Variants in FHIT observed in about 807,000 individuals in gnomAD.
FHIT encodes bis(5'-adenosyl)-triphosphatase.
A neutral mutation model predicts 17.9 loss-of-function variants in FHIT; 19 were observed. The ratio of observed to expected loss-of-function variants is 1.06; its 90% CI spans 0.74 to 1.56. FHIT has a LOEUF of 1.56. FHIT is among the 40% of genes most tolerant of loss of function. The pLI, the probability that FHIT is intolerant of heterozygous loss-of-function variation, is 0.00. For missense variants in FHIT, 248 were observed against 189.2 expected, an observed-to-expected ratio of 1.31 and a Z score of -1.82; for synonymous variants, 81 against 69.7, an observed-to-expected ratio of 1.16 and a Z score of -0.81.
At chr3:60,591,807 G>A (rs1408234269) in intron 4 of FHIT, among the ~76,000 whole-genome samples, 1 of 152,028 alleles carries the variant, frequency 6.6e-6, no homozygotes, top group African/African-American at 2.4e-5. Flanking sequence ...CTCTAACTTA[G>A]GCTATTTGGA....
At chr3:61,059,602 A>T (rs756703344) in intron 2 of FHIT, among the ~76,000 whole-genome samples, 105 of 152,116 alleles carry the variant, frequency 6.9e-4, no homozygotes, top group Non-Finnish European at 1.4e-3. Context: ...TGGAGACCTT[A>T]AGTGTTTCAA....
rs182851484 is a variant in FHIT, at chr3:61,093,220, A to G, written c.-163-51121T>C. Reference sequence around the variant, plus strand: ...TCTGGCAAACAATGAGCACACAACGATAAACGTTTATAATTCTATGTATGG... The same window carrying G: ...TCTGGCAAACAATGAGCACACAACGGTAAACGTTTATAATTCTATGTATGG... On this transcript the variant is annotated intron_variant, in intron 2 of 9. Transcript: ENST00000492590. 5.1e-4 allele frequency among the ~76,000 whole-genome samples: 78 copies of G among 152,346 alleles called. 1 individual carries two copies. Among genetic ancestry groups the G allele is most frequent in the African/African-American group, 1.8e-3 (74 of 41,584 alleles).
At chr3:59,957,458 T>C (rs923249043) in intron 7 of FHIT, among the ~76,000 whole-genome samples, 6 of 152,236 alleles carry the variant, frequency 3.9e-5, no homozygotes. Flanking sequence ...CACCACCTAA[T>C]CTGTAGCATT....
At chr3:59,884,217 T>C (rs377677498) in intron 8 of FHIT, among the ~76,000 whole-genome samples, 120 of 152,334 alleles carry the variant, frequency 7.9e-4, no homozygotes, top group African/African-American at 2.7e-3. Flanking sequence ...GAGAATCAAA[T>C]TGGCTATATA....
At chr3:60,386,624 C>G (rs1283890370) in intron 5 of FHIT, among the ~76,000 whole-genome samples, 1 of 152,144 alleles carries the variant, frequency 6.6e-6, no homozygotes, top group East Asian at 1.9e-4. Context: ...CACTTCTTGC[C>G]TCTTCTCTAA....
At chr3:60,095,494 T>C (rs1264996360) in intron 5 of FHIT, among the ~76,000 whole-genome samples, 1 of 152,166 alleles carries the variant, frequency 6.6e-6, no homozygotes, top group African/African-American at 2.4e-5. Flanking sequence ...AGTGAATAAA[T>C]CCTTAAGAAA....
intron 4 of FHIT, among the ~76,000 whole-genome samples, chr3:60,801,462 A>T (rs782708635): frequency 2.0e-5 from 3 of 152,210 alleles, no homozygotes; most frequent in Non-Finnish European, 4.4e-5. Flanking sequence ...TCTTTGGAGA[A>T]TTAAATAACC....
intron 2 of FHIT, among the ~76,000 whole-genome samples, chr3:61,126,157 A>G (rs1349679136): frequency 1.3e-5 from 2 of 151,616 alleles, no homozygotes; most frequent in African/African-American, 4.9e-5. Flanking sequence ...CTATATTTTC[A>G]CTCATTTTCA....
Position 60,058,982 on chromosome 3 carries a change from CGAGT to C in FHIT, c.104-44834_104-44831del, listed in dbSNP as rs546290106. Among the ~76,000 whole-genome samples, 455 of 152,102 alleles carry C rather than the reference CGAGT, an allele frequency of 3.0e-3. 2 individuals are homozygous for C. Among genetic ancestry groups the C allele is most frequent in the African/African-American group, 0.01 (425 of 41,452 alleles). On this transcript the variant is annotated intron_variant, in intron 5 of 9. Transcript: ENST00000492590. ...GTTGATCTTCTAAAAACATAGGAAC[CGAGT>C]GAGTAAGAAAATCAAGGCAACTAAA...
chr3:59,876,636 G>A (rs1703175468), intron 8 of FHIT, among the ~76,000 whole-genome samples: 1 of 152,188 alleles, frequency 6.6e-6, no homozygotes, highest in Admixed American at 6.5e-5. Context: ...CACAGGTGAA[G>A]GTCAAAATGA....
chr3:59,994,791 T>C (rs746928539), intron 7 of FHIT, among the ~76,000 whole-genome samples: 2 of 152,084 alleles, frequency 1.3e-5, no homozygotes, highest in African/African-American at 2.4e-5. Context: ...CCACCCACCA[T>C]GGGCCAAGGA....
At chr3:59,980,364 C>T (rs1310442794) in intron 7 of FHIT, among the ~76,000 whole-genome samples, 1 of 152,206 alleles carries the variant, frequency 6.6e-6, no homozygotes, top group Non-Finnish European at 1.5e-5. Flanking sequence ...ATTCTTCATA[C>T]TTCAAAACTA....
At chr3:60,677,155 G>A (rs2040639805) in intron 4 of FHIT, among the ~76,000 whole-genome samples, 1 of 152,290 alleles carries the variant, frequency 6.6e-6, no homozygotes, top group Admixed American at 6.5e-5. Flanking sequence ...TGGATTACAG[G>A]CATGAGCCAC....
At chr3:60,869,043 G>A (rs1325559325) in intron 3 of FHIT, among the ~76,000 whole-genome samples, 1 of 152,052 alleles carries the variant, frequency 6.6e-6, no homozygotes, top group South Asian at 2.1e-4. Flanking sequence ...AAATCCCAAG[G>A]AACCAACCTC....
intron 1 of FHIT, among the ~76,000 whole-genome samples, chr3:61,225,417 G>C (rs1240771845): frequency 6.6e-6 from 1 of 152,172 alleles, no homozygotes; most frequent in African/African-American, 2.4e-5. Context: ...CAAATGAATA[G>C]AATCTGTAAC....
intron 5 of FHIT, among the ~76,000 whole-genome samples, chr3:60,372,458 T>A (rs1161742449): frequency 6.6e-6 from 1 of 152,190 alleles, no homozygotes; most frequent in African/African-American, 2.4e-5. Context: ...GTCTGTCTGC[T>A]TATCTCTATC....
intron 8 of FHIT, among the ~76,000 whole-genome samples, chr3:59,887,468 GCAGT>G (rs1232028821): frequency 1.3e-5 from 2 of 152,164 alleles, no homozygotes; most frequent in Non-Finnish European, 2.9e-5. Flanking sequence ...TCTGGCTGCA[GCAGT>G]CAGAGAGCCA....
intron 3 of FHIT, among the ~76,000 whole-genome samples, chr3:60,926,813 C>A (rs1553770072): frequency 6.6e-6 from 1 of 151,868 alleles, no homozygotes; most frequent in Non-Finnish European, 1.5e-5. Flanking sequence ...GCTAGCAAGA[C>A]TAATAAAGAA....
At chr3:61,095,430 G>A (rs1559977260) in intron 2 of FHIT, among the ~76,000 whole-genome samples, 1 of 152,054 alleles carries the variant, frequency 6.6e-6, no homozygotes, top group South Asian at 2.1e-4. Flanking sequence ...TACAGACTCC[G>A]CAAGGGCCTT....
Sources: allele counts gnomAD v4.1 joint callset (sites outside exome capture counted in the v4.1 genomes callset), GRCh38; gene constraint gnomAD v4.1.1; transcripts MANE v1.5; gene names NCBI Gene and HGNC (gene_info 2026-07-23, HGNC 2026-07-21).